HELZ: variants seen among roughly 807,000 people sequenced by gnomAD.
HELZ encodes ATP-dependent RNA helicase with zinc finger domain.
A neutral mutation model predicts 218.2 loss-of-function variants in HELZ; 23 were observed. That is an observed-to-expected ratio of 0.11 (90% confidence interval 0.08 to 0.15). The LOEUF (loss-of-function observed/expected upper bound fraction) is 0.15, where lower values mean the gene tolerates loss of function less well. HELZ is among the 10% of genes least tolerant of loss of function. The pLI is 1.00. For missense variants in HELZ, 1,813 were observed against 2,353.7 expected (o/e 0.77, Z 4.75); for synonymous variants, 814 against 829.4 (o/e 0.98, Z 0.32).
intron 5 of HELZ, among the ~76,000 whole-genome samples, chr17:67,211,025 A>C (rs1262317029): frequency 2.0e-5 from 3 of 152,250 alleles, no homozygotes; most frequent in African/African-American, 7.2e-5. Flanking sequence ...TCAGACAATG[A>C]AAAGTGACTT....
rs138032125 is a variant in HELZ, at chr17:67,242,052, C to T, written c.-76+1732G>A. 4.4e-3 allele frequency among the ~76,000 whole-genome samples: 672 copies of T among 152,342 alleles called. 2 individuals carry two copies. The highest frequency in any genetic ancestry group is 8.1e-3 in the Non-Finnish European group (549 of 68,032). On this transcript the variant is annotated intron_variant, in intron 2 of 32. Transcript: ENST00000358691. ...CTTCTAAGTATTCCATTTTAGACTA[C>T]AAACAAACATCTCCACAGTCAAAAA...
chr17:67,103,033 T>A (rs772500544), intron 31 of HELZ, among the ~76,000 whole-genome samples: 2 of 152,164 alleles, frequency 1.3e-5, no homozygotes, highest in Non-Finnish European at 2.9e-5. Context: ...GTACAAAACT[T>A]CATAAAACCT....
At position 67,225,246 on chromosome 17, in the gene HELZ, A is replaced by G. The variant is rs144519167; in HGVS notation, c.-18-6424T>C. 55 of 242,248 alleles carry G rather than the reference A, an allele frequency of 2.3e-4. No individual in the cohort carries two copies. The East Asian group carries it at 5.5e-3, about 24-fold the overall frequency. The allele number at this position is 242,248 out of a possible 1,614,324, so 15.0% of individuals were successfully genotyped here. A position where few individuals can be genotyped will look rare whatever the true frequency, so the allele number is the denominator to read the frequency against. On this transcript the variant is annotated intron_variant, in intron 3 of 32. Coordinates refer to ENST00000358691, the MANE Select transcript of HELZ (RefSeq NM_014877.4). ...AATTTAATCCTCACAATGACCCTAT[A>G]AAGTAGATATTAGAATTGTTATTAT...
chr17:67,115,086 G>A (rs898750038), intron 27 of HELZ, among the ~76,000 whole-genome samples: 16 of 152,002 alleles, frequency 1.1e-4, no homozygotes, highest in Admixed American at 3.3e-4. Context: ...GAATTCCACT[G>A]GAACTTTGTA....
At chr17:67,173,341 T>G (rs1598367937) in intron 13 of HELZ, among the ~76,000 whole-genome samples, 1 of 152,292 alleles carries the variant, frequency 6.6e-6, no homozygotes, top group Non-Finnish European at 1.5e-5. Flanking sequence ...AGAAAGATAT[T>G]TCTTAATAAG....
chr17:67,080,955 C>T (rs1454102902), intron 32 of HELZ, among the ~76,000 whole-genome samples: 1 of 152,198 alleles, frequency 6.6e-6, no homozygotes, highest in African/African-American at 2.4e-5. Context: ...TTAAATTGGA[C>T]ACGTAGTTGC....
chr17:67,177,741 C>T lies in HELZ; in HGVS notation c.1430+918G>A, dbSNP rs565397020. Among the ~76,000 whole-genome samples the T allele has an allele frequency of 7.4e-4, 113 of 151,776 alleles. 1 individual carries two copies. Among genetic ancestry groups the T allele is most frequent in the African/African-American group, 2.7e-3 (111 of 41,422 alleles). On this transcript the variant is annotated intron_variant, in intron 13 of 32. Transcript: ENST00000358691. ...ATTCCATCTGACTTTGTAAATTTTA[C>T]ATGTATTTAATTTGAAATTAGGTAT...
chr17:67,196,876 T>C (rs1243010788), intron 7 of HELZ, among the ~76,000 whole-genome samples: 1 of 152,130 alleles, frequency 6.6e-6, no homozygotes, highest in African/African-American at 2.4e-5. Flanking sequence ...CTGAATATTC[T>C]CCAAATCTTG....
chr17:67,182,356 A>AC (rs1275389858), intron 12 of HELZ, among the ~76,000 whole-genome samples: 1 of 152,144 alleles, frequency 6.6e-6, no homozygotes, highest in Non-Finnish European at 1.5e-5. Flanking sequence ...GAGGCAGGAG[A>AC]ATCGCTTGAA....
rs1489097330 is a variant in HELZ, at chr17:67,245,182, T to C, written c.-166A>G. The C allele has an allele frequency of 4.1e-6, 4 of 985,046 alleles. No individual in the cohort carries two copies. The highest frequency in any genetic ancestry group is 3.5e-5 in the African/African-American group (2 of 57,124). The allele number at this position is 985,046 out of a possible 1,614,324, so 61.0% of individuals were successfully genotyped here. ...CTTTCTACGCCATCTTGGATCCACT[T>C]GTCAACGTCCCCACAAAGCATTATG... On this transcript the variant is annotated 5_prime_UTR_variant, in exon 1 of 33. Transcript: ENST00000358691.
chr17:67,193,001 A>G (rs916493504), intron 9 of HELZ, among the ~76,000 whole-genome samples: 4 of 152,228 alleles, frequency 2.6e-5, no homozygotes, highest in African/African-American at 9.6e-5. Context: ...CTTTTTACAT[A>G]AAGTATTGTC....
chr17:67,129,289 A>C (rs984178814), intron 23 of HELZ, among the ~76,000 whole-genome samples: 3 of 152,006 alleles, frequency 2.0e-5, no homozygotes, highest in Admixed American at 1.3e-4. Context: ...TATAAATCAC[A>C]TAATTCTAAT....
At chr17:67,086,030 T>C (rs142745889) in intron 32 of HELZ, among the ~76,000 whole-genome samples, 1 of 152,228 alleles carries the variant, frequency 6.6e-6, no homozygotes, top group East Asian at 1.9e-4. Flanking sequence ...ACTTTACTGG[T>C]CTCTCTCGTG....
chr17:67,108,368 T>C lies in HELZ; in HGVS notation c.4724+124A>G. Reference sequence around the variant, plus strand: ...AACAAGAGAACTGTGTAGCGTGTGCTTGGAAGGCCAGCATCCAATTTCTCT... The same window carrying C: ...AACAAGAGAACTGTGTAGCGTGTGCCTGGAAGGCCAGCATCCAATTTCTCT... On this transcript the variant is annotated intron_variant, in intron 30 of 32. Coordinates refer to ENST00000358691, the MANE Select transcript of HELZ (RefSeq NM_014877.4). The surrounding 1 kb of genome is among the most constrained non-coding windows in gnomAD (Gnocchi z 4.1). 2.8e-6 allele frequency: 2 copies of C among 710,822 alleles called. No homozygotes were observed. The highest frequency in any genetic ancestry group is 5.4e-5 in the East Asian group (2 of 37,082). 44.0% of individuals were successfully genotyped at this position (710,822 alleles called of 1,614,324 possible). A position where few individuals can be genotyped will look rare whatever the true frequency, so the allele number is the denominator to read the frequency against.
intron 13 of HELZ, among the ~76,000 whole-genome samples, chr17:67,169,119 A>C (rs1372226604): frequency 6.6e-6 from 1 of 151,984 alleles, no homozygotes; most frequent in African/African-American, 2.4e-5. Flanking sequence ...AAAGAGAAAT[A>C]TGAAGTGAAA....
At chr17:67,231,592 G>GAAA (rs777015874) in intron 3 of HELZ, among the ~76,000 whole-genome samples, 3 of 107,428 alleles carry the variant, frequency 2.8e-5, no homozygotes, top group Non-Finnish European at 3.8e-5. Context: ...GACTCTGTCG[G>GAAA]AAAAAAAAAA....
intron 1 of HELZ, chr17:67,244,508 T>G (rs1178586718): frequency 2.8e-6 from 2 of 715,554 alleles, no homozygotes; most frequent in African/African-American, 3.9e-5. Flanking sequence ...TCTCAAGGAA[T>G]CTCCAGGAAA....
At chr17:67,194,884 G>C (rs1447746784) in intron 8 of HELZ, among the ~76,000 whole-genome samples, 2 of 151,914 alleles carry the variant, frequency 1.3e-5, no homozygotes, top group African/African-American at 4.9e-5. Flanking sequence ...CTTAATGTCA[G>C]TTTCATCACC....
intron 31 of HELZ, among the ~76,000 whole-genome samples, chr17:67,090,244 C>T (rs1044200787): frequency 4.6e-5 from 7 of 152,164 alleles, no homozygotes; most frequent in African/African-American, 1.7e-4. Context: ...ACCAGCCTTG[C>T]ATTCTAGAGA....
Sources: allele counts gnomAD v4.1 joint callset (sites outside exome capture counted in the v4.1 genomes callset), GRCh38; gene constraint gnomAD v4.1.1; non-coding constraint Gnocchi (gnomAD v3.1); transcripts MANE v1.5; gene names NCBI Gene and HGNC (gene_info 2026-07-23, HGNC 2026-07-21).